ELF4: variants seen among roughly 807,000 people sequenced by gnomAD.
The protein encoded by ELF4 is E74 like ETS transcription factor 4, also known as ETS-related transcription factor Elf-4.
A neutral mutation model predicts 31.7 loss-of-function variants in ELF4; 10 were observed. The observed-to-expected ratio is 0.32, with a 90% CI of 0.19 to 0.54. ELF4 has a LOEUF of 0.54. Among genes scored for constraint, ELF4 ranks in the 20% least tolerant of loss-of-function variants. The probability of loss-of-function intolerance (pLI) is 0.95; values close to 1 mark genes in which losing one functional copy is unlikely to be tolerated. For missense variants in ELF4, 418 were observed against 522.0 expected, an observed-to-expected ratio of 0.80 and a Z score of 1.94; for synonymous variants, 208 against 226.7, an observed-to-expected ratio of 0.92 and a Z score of 0.74.
At chrX:130,102,513 T>TAAAGAA (rs1325971211) in intron 1 of ELF4, among the ~76,000 whole-genome samples, 1 of 109,835 alleles carries the variant, frequency 9.1e-6, no homozygotes, top group Non-Finnish European at 1.9e-5. Flanking sequence ...TTCATATGCA[T>TAAAGAA]AAAGAAAAAG....
At chrX:130,086,624 T>G (rs752242925) in intron 1 of ELF4, among the ~76,000 whole-genome samples, 1 of 112,183 alleles carries the variant, frequency 8.9e-6, no homozygotes, top group South Asian at 3.7e-4. Context: ...TGGGCTGTGG[T>G]TTCTGTCATC....
At position 130,064,465 on chromosome X, in the gene ELF4, T is replaced by C. The variant is rs1231708064; in HGVS notation, c.*2256A>G. ...AACGAACAAACAAAAACATTGTTGA[T>C]AGAGGGGCTATCTTTAAGGAGCTGA... is the stretch of plus-strand genomic sequence containing the variant. On this transcript the variant is annotated 3_prime_UTR_variant, in exon 9 of 9. Coordinates refer to ENST00000308167, the MANE Select transcript of ELF4 (RefSeq NM_001421.4). Among the ~76,000 whole-genome samples the C allele has an allele frequency of 8.9e-6, 1 of 111,954 alleles. No individual in the cohort carries two copies. The highest frequency in any genetic ancestry group is 1.9e-5 in the Non-Finnish European group (1 of 53,159).
intron 1 of ELF4, among the ~76,000 whole-genome samples, chrX:130,101,850 G>C (rs145876112): frequency 0.026 from 2,238 of 87,751 alleles, 55 homozygotes; most frequent in Admixed American, 0.11. Context: ...ACAAAAACAA[G>C]GCCAGACTGG....
At chrX:130,089,816 CG>C (rs1370596162) in intron 1 of ELF4, among the ~76,000 whole-genome samples, 1 of 112,612 alleles carries the variant, frequency 8.9e-6, no homozygotes, top group Non-Finnish European at 1.9e-5. Flanking sequence ...AATGAAGCCA[CG>C]GCTGGGCGTG....
chrX:130,109,164 C>T (rs923940740), intron 1 of ELF4, among the ~76,000 whole-genome samples: 10 of 112,337 alleles, frequency 8.9e-5, no homozygotes, highest in Non-Finnish European at 1.5e-4. Flanking sequence ...ACCTGGCACT[C>T]GGGCCAGGGG....
At chrX:130,076,632 T>C (rs994907335) in intron 2 of ELF4, among the ~76,000 whole-genome samples, 6 of 111,538 alleles carry the variant, frequency 5.4e-5, no homozygotes, top group African/African-American at 2.0e-4. Context: ...GGTTTCACCA[T>C]GTAGGCCAGG....
At chrX:130,103,405 A>T in intron 1 of ELF4, among the ~76,000 whole-genome samples, 1 of 112,711 alleles carries the variant, frequency 8.9e-6, no homozygotes, top group African/African-American at 3.2e-5. Flanking sequence ...CAAAGAAGAC[A>T]TATGGACAGC....
intron 1 of ELF4, among the ~76,000 whole-genome samples, chrX:130,105,526 A>G (rs1045413149): frequency 8.1e-5 from 9 of 111,477 alleles, no homozygotes; most frequent in Middle Eastern, 4.7e-3. Context: ...TTTTTATCCA[A>G]TTAAACCCAA....
chrX:130,069,394 C>T lies in ELF4; in HGVS notation c.1093G>A (p.Glu365Lys). 8.3e-7 allele frequency: 1 copy of T among 1,211,950 alleles called. No homozygotes were observed. The highest frequency in any genetic ancestry group is 3.0e-5 in the East Asian group (1 of 33,847). The change falls in exon 8 of 9, where the codon GAA becomes AAA. Residue 365 changes from glutamate (E) to lysine (K), a missense_variant. Glu to Lys is a moderately conservative substitution (Grantham distance 56). Around this residue, in one of 4 missense-constraint regions of ELF4, gnomAD observed 260 missense variants for 269.2 expected, o/e 0.97. Coordinates refer to ENST00000308167, the MANE Select transcript of ELF4 (RefSeq NM_001421.4). ...TCCTCGTCTAGCGACGGTCCCAATT[C>T]CAGACTCGCAGATGGCTGGAGACCG... ...HVGLQPSASL[E>K]LGPSLDEEIP...
chrX:130,093,539 G>T (rs1255026621), intron 1 of ELF4, among the ~76,000 whole-genome samples: 1 of 111,692 alleles, frequency 9.0e-6, no homozygotes, highest in African/African-American at 3.3e-5. Flanking sequence ...AGGGCTGTGT[G>T]CCTGTGAGGT....
intron 1 of ELF4, among the ~76,000 whole-genome samples, chrX:130,093,307 A>G (rs1191847885): frequency 3.6e-5 from 3 of 83,160 alleles, no homozygotes; most frequent in African/African-American, 9.7e-5. Context: ...TCTGTCTCAG[A>G]AAAAAAAAAA....
In ELF4 at chrX:130,074,135, T is replaced by C; in HGVS notation, c.254A>G (p.Asn85Ser). Residue 85 changes from asparagine (N) to serine (S), a missense_variant, in exon 4 of 9, where the codon AAT (asparagine) becomes AGT (serine). Asn to Ser is a conservative substitution (Grantham distance 46). This residue lies in a region of ELF4 where 35 missense variants were observed against 76.4 expected (regional missense o/e 0.46). Transcript: ENST00000308167. ...TGACATGGTGTGCGAGGTGGCCTCA[T>C]TGTCATCTGGTCCGGGTTCCATGGT... ...LEGSFLLTDD[N>S]EATSHTMSTA... 2.5e-6 allele frequency: 3 copies of C among 1,211,611 alleles called. No homozygotes were observed. The highest frequency in any genetic ancestry group is 3.4e-6 in the Non-Finnish European group (3 of 895,426).
chrX:130,075,767 C>T (rs1932829406), intron 2 of ELF4, among the ~76,000 whole-genome samples: 1 of 111,474 alleles, frequency 9.0e-6, no homozygotes, highest in African/African-American at 3.3e-5. Flanking sequence ...TAGTTCGCAG[C>T]CAGAGTTAGG....
At chrX:130,092,939 T>C (rs3848963) in intron 1 of ELF4, among the ~76,000 whole-genome samples, 1 of 109,789 alleles carries the variant, frequency 9.1e-6, no homozygotes, top group Non-Finnish European at 1.9e-5. Flanking sequence ...GCAGTTGGCC[T>C]GTGGAGCCCA....
At chrX:130,102,937 AGGGAG>A (rs1244914707) in intron 1 of ELF4, among the ~76,000 whole-genome samples, 59 of 96,341 alleles carry the variant, frequency 6.1e-4, no homozygotes, top group African/African-American at 1.9e-3. Flanking sequence ...AGAAGGAGGG[AGGGAG>A]GAAGGAAGGA....
chrX:130,076,388 C>A (rs1487722853), intron 2 of ELF4, among the ~76,000 whole-genome samples: 4 of 111,018 alleles, frequency 3.6e-5, no homozygotes, highest in African/African-American at 1.3e-4. Context: ...AAAGAAAAAA[C>A]CTCTATAAAT....
intron 2 of ELF4, among the ~76,000 whole-genome samples, chrX:130,080,710 A>G (rs766996920): frequency 1.8e-5 from 2 of 111,134 alleles, no homozygotes; most frequent in South Asian, 7.6e-4. Context: ...ATCCTGTCCT[A>G]TTTTCCAACT....
chrX:130,081,803 C>T (rs1300229416), intron 1 of ELF4, among the ~76,000 whole-genome samples: 1 of 112,186 alleles, frequency 8.9e-6, no homozygotes, highest in Non-Finnish European at 1.9e-5. Context: ...CCAGCATCGG[C>T]ATCTCGCACT....
At chrX:130,109,682 C>T (rs1283350505) in intron 1 of ELF4, among the ~76,000 whole-genome samples, 1 of 112,419 alleles carries the variant, frequency 8.9e-6, no homozygotes, top group African/African-American at 3.2e-5. Context: ...AGCAGTCCCT[C>T]AAGCCTCCAA....
Sources: gnomAD v4.1 joint callset for allele counts (sites outside exome capture counted in the v4.1 genomes callset) on GRCh38, gnomAD v4.1.1 for gene constraint, gnomAD v4.1.1 regional missense constraint, MANE v1.5 for transcripts, NCBI Gene and HGNC (gene_info 2026-07-23, HGNC 2026-07-21) for gene names.